The following FUT8 variants were observed in gnomAD, a reference collection of about 807,000 sequenced individuals.
FUT8 encodes alpha-(1,6)-fucosyltransferase.
FUT8 carries 29 observed loss-of-function variants against 71.3 expected under a neutral mutation model. The ratio of observed to expected loss-of-function variants is 0.41; its 90% CI spans 0.30 to 0.55. FUT8 has a LOEUF of 0.55. Among genes scored for constraint, FUT8 ranks in the 20% least tolerant of loss-of-function variants. The pLI, the probability that FUT8 is intolerant of heterozygous loss-of-function variation, is 0.34. For synonymous variants in FUT8, 254 were observed against 239.3 expected, an observed-to-expected ratio of 1.06 and a Z score of -0.57; for missense variants, 544 against 702.1, an observed-to-expected ratio of 0.77 and a Z score of 2.55.
At chr14:65,463,391 T>G (rs2065996114) in intron 2 of FUT8, among the ~76,000 whole-genome samples, 1 of 152,158 alleles carries the variant, frequency 6.6e-6, no homozygotes, top group African/African-American at 2.4e-5. Context: ...ATCAGCCTCC[T>G]GAGTTGCTGC....
At chr14:65,493,127 CA>C (rs1263878638) in intron 2 of FUT8, among the ~76,000 whole-genome samples, 1 of 152,050 alleles carries the variant, frequency 6.6e-6, no homozygotes, top group Admixed American at 6.6e-5. Flanking sequence ...TGAGTATTGC[CA>C]ATGATATAGC....
chr14:65,393,526 G>A, the FUT8 span, among the ~76,000 whole-genome samples: 2 of 152,172 alleles, frequency 1.3e-5, no homozygotes, highest in African/African-American at 4.8e-5. Flanking sequence ...TGCATAGGTG[G>A]ATTTTTTTCA....
chr14:65,628,009 T>C (rs1889988777), intron 5 of FUT8, among the ~76,000 whole-genome samples: 1 of 152,116 alleles, frequency 6.6e-6, no homozygotes, highest in South Asian at 2.1e-4. Context: ...TTGAGGGTGA[T>C]AGGCGGGAGT....
At chr14:65,384,895 C>CTTT in the FUT8 span, among the ~76,000 whole-genome samples, 2 of 142,936 alleles carry the variant, frequency 1.4e-5, no homozygotes. The surrounding 1 kb of genome is among the most constrained non-coding windows in gnomAD (Gnocchi z 4.2). Flanking sequence ...AGGTTAGATA[C>CTTT]TTTTTTTTTT....
chr14:65,421,187 A>C (rs2065287907), intron 1 of FUT8, among the ~76,000 whole-genome samples: 1 of 105,840 alleles, frequency 9.4e-6, no homozygotes, highest in South Asian at 4.0e-4. Flanking sequence ...GCGGGACTCC[A>C]TCTCAGGAAA....
At chr14:65,563,938 A>G (rs1386374156) in intron 3 of FUT8, among the ~76,000 whole-genome samples, 1 of 152,094 alleles carries the variant, frequency 6.6e-6, no homozygotes. Context: ...TGGTAATACC[A>G]TGTAATTACA....
At chr14:65,647,963 A>G (rs1013214367) in intron 6 of FUT8, among the ~76,000 whole-genome samples, 1 of 152,014 alleles carries the variant, frequency 6.6e-6, no homozygotes, top group Admixed American at 6.5e-5. Flanking sequence ...TAGGGAGCAT[A>G]TATTTCTGCC....
intron 2 of FUT8, among the ~76,000 whole-genome samples, chr14:65,462,643 C>T (rs974452960): frequency 2.0e-5 from 3 of 152,102 alleles, no homozygotes; most frequent in South Asian, 2.1e-4. Context: ...ACTGTAGTAT[C>T]GTATTTGAAT....
intron 7 of FUT8, among the ~76,000 whole-genome samples, chr14:65,721,085 G>A (rs1359846689): frequency 6.6e-6 from 1 of 152,056 alleles, no homozygotes; most frequent in Non-Finnish European, 1.5e-5. Flanking sequence ...TCAGCAATAT[G>A]AAGTTAAAAT....
chr14:65,531,776 T>A (rs1198739500), intron 2 of FUT8, among the ~76,000 whole-genome samples: 1 of 152,160 alleles, frequency 6.6e-6, no homozygotes, highest in Admixed American at 6.6e-5. Flanking sequence ...GCTTCCACTC[T>A]CCACCCTCTG....
chr14:65,429,861 C>CAAAAAAAA (rs58941594), intron 1 of FUT8, among the ~76,000 whole-genome samples: 1 of 81,006 alleles, frequency 1.2e-5, no homozygotes, highest in African/African-American at 5.1e-5. Context: ...GAGACTGTCT[C>CAAAAAAAA]AAAAAAAAAA....
rs964707075 is a variant in FUT8 at position 65,742,021 on chromosome 14, G to T, written c.1411-72G>T. The T allele has an allele frequency of 3.1e-6, 4 of 1,310,832 alleles. No individual in the cohort carries two copies. The African/African-American group carries it at 4.4e-5, about 14-fold the overall frequency. The allele number at this position is 1,310,832 out of a possible 1,614,324, so 81.2% of individuals were successfully genotyped here. A position where few individuals can be genotyped will look rare whatever the true frequency, so the allele number is the denominator to read the frequency against. On this transcript the variant is annotated intron_variant, in intron 10 of 10. Coordinates refer to ENST00000673929, the MANE Select transcript of FUT8 (RefSeq NM_001371533.1). ...CTTACTCCTAGAGCCCATCCTTTTG[G>T]CCAAGGGCTTTTAGATTGCTGTGAA...
chr14:65,376,243 C>T, the FUT8 span, among the ~76,000 whole-genome samples: 2 of 152,080 alleles, frequency 1.3e-5, no homozygotes, highest in Non-Finnish European at 2.9e-5. Context: ...TATTACAGGG[C>T]AGTGAGACTA....
chr14:65,383,601 A>G, the FUT8 span, among the ~76,000 whole-genome samples: 2 of 152,308 alleles, frequency 1.3e-5, no homozygotes, highest in East Asian at 3.9e-4. Context: ...AGAATAAAAT[A>G]CAGATTCCAT....
At chr14:65,407,737 T>G, upstream of FUT8, among the ~76,000 whole-genome samples, 1 of 152,258 alleles carries the variant, frequency 6.6e-6, no homozygotes, top group Non-Finnish European at 1.5e-5. Context: ...TTTTGTAGAA[T>G]TAATAGTCCA....
At chr14:65,674,371 G>GT (rs1187047723) in intron 7 of FUT8, among the ~76,000 whole-genome samples, 6 of 152,074 alleles carry the variant, frequency 3.9e-5, no homozygotes, top group Non-Finnish European at 5.9e-5. Context: ...CTGAACCTCA[G>GT]TTTAGCTCTT....
chr14:65,359,283 AG>A, the FUT8 span, among the ~76,000 whole-genome samples: 1 of 152,200 alleles, frequency 6.6e-6, no homozygotes, highest in Non-Finnish European at 1.5e-5. Context: ...CGAAAATGAG[AG>A]AAGAAACCAA....
At chr14:65,686,682 C>T (rs1246455306) in intron 7 of FUT8, among the ~76,000 whole-genome samples, 1 of 152,102 alleles carries the variant, frequency 6.6e-6, no homozygotes, top group Non-Finnish European at 1.5e-5. Flanking sequence ...TGATTTAAGT[C>T]TTAAAAGTTC....
chr14:65,588,963 T>C (rs529078198), intron 3 of FUT8, among the ~76,000 whole-genome samples: 1 of 152,334 alleles, frequency 6.6e-6, no homozygotes, highest in East Asian at 1.9e-4. Flanking sequence ...GGAACTACTA[T>C]GTCACATTTT....
Sources: gnomAD v4.1 joint callset for allele counts (sites outside exome capture counted in the v4.1 genomes callset) on GRCh38, gnomAD v4.1.1 for gene constraint, Gnocchi (gnomAD v3.1) non-coding constraint, MANE v1.5 for transcripts, NCBI Gene and HGNC (gene_info 2026-07-23, HGNC 2026-07-21) for gene names.